Variants in ITPRID1 observed in about 807,000 individuals in gnomAD.
ITPRID1 encodes the protein protein ITPRID1.
A neutral mutation model predicts 95.4 loss-of-function variants in ITPRID1; 96 were observed. The observed-to-expected ratio is 1.01, with a 90% CI of 0.85 to 1.19. The LOEUF (loss-of-function observed/expected upper bound fraction) is 1.19. Ranked by LOEUF, ITPRID1 falls within the 50% of genes most tolerant of loss-of-function variation. The pLI is 0.00. For missense variants in ITPRID1, 1,339 were observed against 1,252.9 expected (o/e 1.07, Z -1.04); for synonymous variants, 510 against 453.6 (o/e 1.12, Z -1.58).
At chr7:31,576,557 G>A (rs1412795640) in intron 8 of ITPRID1, among the ~76,000 whole-genome samples, 1 of 152,164 alleles carries the variant, frequency 6.6e-6, no homozygotes. Context: ...GGGGGGAAAT[G>A]TAATCAGAAT....
chr7:31,614,880 A>G (rs1787058429), intron 10 of ITPRID1, among the ~76,000 whole-genome samples: 1 of 152,172 alleles, frequency 6.6e-6, no homozygotes, highest in African/African-American at 2.4e-5. Context: ...TATATTTTTT[A>G]TCACAAGGAA....
chr7:31,562,942 G>C (rs1429939440), intron 5 of ITPRID1, among the ~76,000 whole-genome samples: 2 of 152,006 alleles, frequency 1.3e-5, no homozygotes, highest in Admixed American at 6.6e-5. Context: ...ATGCATTTTG[G>C]GTTCTACCCA....
At chr7:31,611,720 G>A (rs1160134632) in intron 10 of ITPRID1, among the ~76,000 whole-genome samples, 1 of 151,914 alleles carries the variant, frequency 6.6e-6, no homozygotes, top group Non-Finnish European at 1.5e-5. Context: ...CTGCTAAGAA[G>A]TCAGTTGTTA....
intron 10 of ITPRID1, among the ~76,000 whole-genome samples, chr7:31,620,457 A>G (rs1787750546): frequency 6.6e-6 from 1 of 151,582 alleles, no homozygotes; most frequent in Non-Finnish European, 1.5e-5. Context: ...TTCACGAAAA[A>G]TACCTGTTCT....
At chr7:31,648,381 G>C (rs1790667977) in intron 12 of ITPRID1, among the ~76,000 whole-genome samples, 1 of 152,008 alleles carries the variant, frequency 6.6e-6, no homozygotes, top group Non-Finnish European at 1.5e-5. Flanking sequence ...ATTTTTGAGG[G>C]TTTTTATTTA....
intron 5 of ITPRID1, among the ~76,000 whole-genome samples, chr7:31,566,740 G>T (rs1381911468): frequency 1.3e-5 from 2 of 152,146 alleles, no homozygotes; most frequent in African/African-American, 4.8e-5. Flanking sequence ...TAATAAGGTG[G>T]CAAATGGGCT....
Position 31,615,177 on chromosome 7 carries a change from T to G in ITPRID1, c.1229-26999T>G, listed in dbSNP as rs185918786. On this transcript the variant is annotated intron_variant, in intron 10 of 14. Coordinates refer to ENST00000615280, the MANE Select transcript of ITPRID1 (RefSeq NM_001257967.3). ...TGATCTAGGTTTGCTGAACACATAC[T>G]GTAGATATTTTCCCATTTAGTCTTT... is the stretch of plus-strand genomic sequence containing the variant. Among the ~76,000 whole-genome samples the G allele has an allele frequency of 5.2e-3, 788 of 152,318 alleles. 1 individual carries two copies. Among genetic ancestry groups the G allele is most frequent in the African/African-American group, 0.018 (754 of 41,570 alleles).
At chr7:31,519,612 C>CTATATA (rs1271078923) in intron 1 of ITPRID1, among the ~76,000 whole-genome samples, 17 of 46,864 alleles carry the variant, frequency 3.6e-4, no homozygotes, top group Non-Finnish European at 4.5e-4. Context: ...CTCTCTCTCT[C>CTATATA]TCTCTCTCTA....
chr7:31,603,455 A>G (rs1300433313), intron 10 of ITPRID1, among the ~76,000 whole-genome samples: 1 of 146,816 alleles, frequency 6.8e-6, no homozygotes, highest in Non-Finnish European at 1.5e-5. Context: ...GCAGCCGGCA[A>G]TCAGTACTTT....
At chr7:31,527,199 C>A (rs1411479795) in intron 1 of ITPRID1, among the ~76,000 whole-genome samples, 1 of 152,270 alleles carries the variant, frequency 6.6e-6, no homozygotes, top group East Asian at 1.9e-4. Flanking sequence ...CCTTTACTTA[C>A]TCATACTTTA....
intron 10 of ITPRID1, among the ~76,000 whole-genome samples, chr7:31,597,919 A>G (rs973469453): frequency 1.3e-5 from 2 of 152,194 alleles, no homozygotes; most frequent in Non-Finnish European, 2.9e-5. Context: ...CATAGTTTAA[A>G]AAATGGATAA....
intron 1 of ITPRID1, among the ~76,000 whole-genome samples, chr7:31,524,242 A>G (rs923466192): frequency 2.0e-5 from 3 of 152,216 alleles, no homozygotes; most frequent in Non-Finnish European, 2.9e-5. Flanking sequence ...GGGAAAATCA[A>G]TGCTCACTTC....
Position 31,532,579 on chromosome 7 carries a change from T to C in ITPRID1, c.-97-16847T>C, listed in dbSNP as rs144658417. 7.1e-3 allele frequency among the ~76,000 whole-genome samples: 1,081 copies of C among 152,332 alleles called. 11 individuals are homozygous for C. The highest frequency in any genetic ancestry group is 0.025 in the African/African-American group (1,036 of 41,580). On this transcript the variant is annotated intron_variant, in intron 1 of 14. Transcript: ENST00000615280. The stretch of plus-strand genomic sequence containing the variant: ...ATGAATGGGTGTGAATGTTGTCAAA[T>C]TCCTTTTCTGCATCTGCTAAGTGGT...
chr7:31,561,838 T>G (rs756569456), intron 5 of ITPRID1, among the ~76,000 whole-genome samples: 1 of 152,132 alleles, frequency 6.6e-6, no homozygotes, highest in Non-Finnish European at 1.5e-5. Context: ...GGTCACCAAC[T>G]ACACAAGCAA....
rs1456562179 is a variant in ITPRID1 at position 31,599,661 on chromosome 7, T to G, written c.1228+16470T>G. Among the ~76,000 whole-genome samples the G allele has an allele frequency of 2.9e-3, 90 of 31,300 alleles. 3 individuals are homozygous for G. The highest frequency in any genetic ancestry group is 7.2e-3 in the Admixed American group (20 of 2,786). 20.5% of individuals were successfully genotyped at this position (31,300 alleles called of 152,430 possible). ...TCTTTCTTTCTTTTTCTTTCTTTCC[T>G]TTCTCTCTCTCTCTCTCTCTCTCTC... On this transcript the variant is annotated intron_variant, in intron 10 of 14. Coordinates refer to ENST00000615280, the MANE Select transcript of ITPRID1 (RefSeq NM_001257967.3).
rs200960115 is a variant in ITPRID1 at position 31,578,053 on chromosome 7, G to A, written c.789G>A (p.Gln263=). ...AACTCTTAAGGAGAGCTTCCAAACA[G>A]AACATCAGGCGGGATTGTAACCCAG... ...MGKLLRRASK[Q]NIRRDCNPEV... Residue 263 remains glutamine, a synonymous_variant, in exon 9 of 15, where the codon CAG becomes CAA. Transcript: ENST00000615280. 106 of 1,613,872 alleles carry A rather than the reference G, an allele frequency of 6.6e-5. 1 individual carries two copies. The East Asian group carries it at 2.2e-3, about 33-fold the overall frequency.
chr7:31,633,741 T>C (rs1270958236), intron 10 of ITPRID1, among the ~76,000 whole-genome samples: 1 of 152,188 alleles, frequency 6.6e-6, no homozygotes, highest in Non-Finnish European at 1.5e-5. Flanking sequence ...TTTTGTACCA[T>C]TGGAGGACAG....
rs774727570 is a variant in ITPRID1, at chr7:31,652,747, C to T, written c.3053C>T (p.Ser1018Leu). The T allele has an allele frequency of 1.2e-6, 2 of 1,613,936 alleles. No homozygotes were observed. Among genetic ancestry groups the T allele is most frequent in the East Asian group, 2.2e-5 (1 of 44,850 alleles). ...GAGAACAGCACCAGGATGTCTCCTT[C>T]ATCATCAGCTTGGGCAAAGTTAGGT... Reference protein sequence around the residue: ...TLENSTRMSPSSSAWAKLGPT... With the variant: ...TLENSTRMSPLSSAWAKLGPT... The change falls in exon 15 of 15, where the codon TCA becomes TTA. Residue 1018 changes from serine to leucine, a missense_variant. Ser to Leu is a moderately radical substitution (Grantham distance 145). Transcript: ENST00000615280.
rs766485937 is a variant in ITPRID1, at chr7:31,642,266, G to A, written c.1311+8G>A. 55 of 1,543,196 alleles carry A rather than the reference G, an allele frequency of 3.6e-5. No individual in the cohort carries two copies. Among genetic ancestry groups the A allele is most frequent in the Admixed American group, 4.0e-5 (2 of 50,254 alleles). On this transcript the variant is annotated splice_region_variant and intron_variant, in intron 11 of 14. Coordinates refer to ENST00000615280, the MANE Select transcript of ITPRID1 (RefSeq NM_001257967.3). ...GAACCGCTGCCCCTCCAGGTAGGAG[G>A]GTTTGGAACAGGGCCCTGTTGCTCA...
Sources: allele counts gnomAD v4.1 joint callset (sites outside exome capture counted in the v4.1 genomes callset), GRCh38; gene constraint gnomAD v4.1.1; transcripts MANE v1.5; gene names NCBI Gene and HGNC (gene_info 2026-07-23, HGNC 2026-07-21).